Variants in CAPN8 observed in about 807,000 individuals in gnomAD.
The protein encoded by CAPN8 is calpain-8.
CAPN8 carries 87 observed loss-of-function variants against 80.9 expected under a neutral mutation model. The observed-to-expected ratio is 1.07, with a 90% CI of 0.90 to 1.28. CAPN8 has a LOEUF of 1.28. Among genes scored for constraint, CAPN8 ranks in the 50% most tolerant of loss-of-function variants. The probability of loss-of-function intolerance (pLI) is 0.00; values close to 1 mark genes in which losing one functional copy is unlikely to be tolerated. For missense variants in CAPN8, 757 were observed against 702.0 expected (o/e 1.08, Z -0.89); for synonymous variants, 299 against 273.8 (o/e 1.09, Z -0.91).
At chr1:223,544,995 G>A in intron 17 of CAPN8, 145 bp from the exon 18 acceptor site, 1 of 1,466,260 alleles carries the variant, frequency 6.8e-7, no homozygotes, top group Non-Finnish European at 9.1e-7. Context: ...AGGTTTCAGA[G>A]CAAGCATAAG....
intron 8 of CAPN8, among the ~76,000 whole-genome samples, chr1:223,619,820 C>T (rs75988987): frequency 1.3e-5 from 2 of 152,164 alleles, no homozygotes; most frequent in Admixed American, 6.5e-5. Flanking sequence ...CCAGCTAAGC[C>T]GTACCATATT....
At chr1:223,653,261 C>G (rs942875394) in intron 2 of CAPN8, among the ~76,000 whole-genome samples, 1 of 151,170 alleles carries the variant, frequency 6.6e-6, no homozygotes, top group Non-Finnish European at 1.5e-5. Context: ...GAATCGTTCC[C>G]GCTGCTTGAT....
At chr1:223,631,623 T>C (rs1009135074) in intron 2 of CAPN8, among the ~76,000 whole-genome samples, 4 of 152,232 alleles carry the variant, frequency 2.6e-5, no homozygotes, top group Non-Finnish European at 2.9e-5. Flanking sequence ...AGCAGATGAC[T>C]ACATGAATCA....
intron 2 of CAPN8, among the ~76,000 whole-genome samples, chr1:223,650,935 C>T (rs1190748320): frequency 6.6e-6 from 1 of 152,180 alleles, no homozygotes; most frequent in Admixed American, 6.5e-5. Flanking sequence ...GGGAGAGAGA[C>T]TGTGCTGGAA....
At chr1:223,630,606 G>T (rs1380141321) in intron 2 of CAPN8, among the ~76,000 whole-genome samples, 1 of 152,088 alleles carries the variant, frequency 6.6e-6, no homozygotes, top group Non-Finnish European at 1.5e-5. Flanking sequence ...AAAGTGCTGG[G>T]ATTACAGGTG....
At chr1:223,628,860 AC>A in intron 2 of CAPN8, 80 bp from the exon 3 acceptor site, 1 of 1,157,248 alleles carries the variant, frequency 8.6e-7, no homozygotes, top group Non-Finnish European at 1.2e-6. Context: ...GTCCCATTCA[AC>A]CCAGAGTCCA....
At position 223,619,471 on chromosome 1, in the gene CAPN8, G is replaced by C. The variant is rs1038432368; in HGVS notation, c.975-18C>G. The C allele has an allele frequency of 6.4e-7, 1 of 1,551,362 alleles. No homozygotes were observed. Among genetic ancestry groups the C allele is most frequent in the African/African-American group, 1.4e-5 (1 of 73,170 alleles). ...GTGACATCCTGGGGCAGAGGCACCAGAGGGCTCTCAGTGAAGAGGGCTGGG... is the reference window on the plus strand; with the variant it reads ...GTGACATCCTGGGGCAGAGGCACCACAGGGCTCTCAGTGAAGAGGGCTGGG... On this transcript the variant is annotated intron_variant, in intron 8 of 20. Coordinates refer to ENST00000366872, the MANE Select transcript of CAPN8 (RefSeq NM_001143962.2).
At chr1:223,659,942 C>T (rs1483487118) in intron 1 of CAPN8, among the ~76,000 whole-genome samples, 1 of 152,152 alleles carries the variant, frequency 6.6e-6, no homozygotes, top group Non-Finnish European at 1.5e-5. Context: ...GTCCGTATGT[C>T]TCTCCCTGAT....
intron 2 of CAPN8, among the ~76,000 whole-genome samples, chr1:223,629,459 A>G (rs1481408512): frequency 6.6e-6 from 1 of 152,210 alleles, no homozygotes; most frequent in Non-Finnish European, 1.5e-5. Flanking sequence ...GTCACATTGG[A>G]GATTCAAGGA....
intron 1 of CAPN8, among the ~76,000 whole-genome samples, chr1:223,658,445 TAC>T (rs1658555185): frequency 6.6e-6 from 1 of 152,074 alleles, no homozygotes; most frequent in African/African-American, 2.4e-5. Flanking sequence ...GAAAAACACA[TAC>T]ACACACACCA....
At chr1:223,625,917 G>A in intron 5 of CAPN8, 29 bp from the exon 6 acceptor site, 1 of 1,534,544 alleles carries the variant, frequency 6.5e-7, no homozygotes, top group Non-Finnish European at 8.8e-7. Context: ...CCACTCAGTG[G>A]CTGACCCTGA....
rs895546451 is a variant in CAPN8 at position 223,609,220 on chromosome 1, T to C, written c.1468A>G (p.Thr490Ala). Reference sequence around the variant, plus strand: ...TCGCCGTCTTTGAAGGGTTCAAATGTGGATGGCACCACCAGGTACTCCCCA... The same window carrying C: ...TCGCCGTCTTTGAAGGGTTCAAATGCGGATGGCACCACCAGGTACTCCCCA... ...PPGEYLVVPS[T>A]FEPFKDGEFC... The change falls in exon 12 of 21, where the codon ACA becomes GCA. Residue 490 changes from threonine (T) to alanine (A), a missense_variant. Physicochemically the swap from Thr to Ala is moderately conservative, Grantham distance 58. Coordinates refer to ENST00000366872, the MANE Select transcript of CAPN8 (RefSeq NM_001143962.2). The C allele has an allele frequency of 9.8e-5, 39 of 398,312 alleles. No individual in the cohort carries two copies. The highest frequency in any genetic ancestry group is 7.4e-4 in the African/African-American group (36 of 48,532). The allele number at this position is 398,312 out of a possible 1,614,324, so 24.7% of individuals were successfully genotyped here.
chr1:223,634,465 ACGTGCCAT>A (rs1657859482), intron 2 of CAPN8, among the ~76,000 whole-genome samples: 1 of 152,180 alleles, frequency 6.6e-6, no homozygotes, highest in African/African-American at 2.4e-5. Flanking sequence ...CCTTATACCC[ACGTGCCAT>A]CCTAGGATGG....
At position 223,625,938 on chromosome 1, in the gene CAPN8, G is replaced by A. The variant is rs1251648161; in HGVS notation, c.730-50C>T. ...AGTGGCTGACCCTGACCTCTCAGGG[G>A]CCGGCCGTAGAATGCTTTCCAAGGA... On this transcript the variant is annotated intron_variant, in intron 5 of 20. Transcript: ENST00000366872. 2.8e-6 allele frequency: 4 copies of A among 1,436,762 alleles called. No homozygotes were observed. In the East Asian group the frequency reaches 1.0e-4, roughly 36 times the overall value. The allele number at this position is 1,436,762 out of a possible 1,614,324, so 89.0% of individuals were successfully genotyped here.
intron 16 of CAPN8, among the ~76,000 whole-genome samples, chr1:223,545,556 T>C (rs1021147882): frequency 6.6e-6 from 1 of 152,174 alleles, no homozygotes; most frequent in African/African-American, 2.4e-5. Flanking sequence ...ATCTGCAATA[T>C]CGTGAATACC....
intron 2 of CAPN8, among the ~76,000 whole-genome samples, chr1:223,653,625 C>T (rs190298691): frequency 3.3e-5 from 5 of 152,176 alleles, no homozygotes; most frequent in South Asian, 4.1e-4. Context: ...CAATTCAGAG[C>T]CATGTTGCCC....
intron 1 of CAPN8, among the ~76,000 whole-genome samples, chr1:223,659,607 C>A (rs1305379614): frequency 6.6e-6 from 1 of 152,168 alleles, no homozygotes; most frequent in Non-Finnish European, 1.5e-5. Flanking sequence ...ATTAACCTGC[C>A]CCAATGTCAC....
At chr1:223,640,361 A>G (rs1378186883) in intron 2 of CAPN8, among the ~76,000 whole-genome samples, 1 of 152,212 alleles carries the variant, frequency 6.6e-6, no homozygotes, top group Non-Finnish European at 1.5e-5. Context: ...GTGAATCAAC[A>G]AATGTTTATT....
intron 15 of CAPN8, among the ~76,000 whole-genome samples, chr1:223,549,747 A>T (rs1376365117): frequency 6.6e-6 from 1 of 152,260 alleles, no homozygotes; most frequent in Non-Finnish European, 1.5e-5. Context: ...GCTGGGTATT[A>T]ACTGAGATAA....
Sources: allele counts gnomAD v4.1 joint callset (sites outside exome capture counted in the v4.1 genomes callset), GRCh38; gene constraint gnomAD v4.1.1; transcripts MANE v1.5; gene names NCBI Gene and HGNC (gene_info 2026-07-23, HGNC 2026-07-21).